The following VCP variants were observed in gnomAD, a reference collection of about 807,000 sequenced individuals.
VCP encodes the protein transitional endoplasmic reticulum ATPase.
In VCP, 6 loss-of-function variants were observed where a neutral mutation model predicts 85.7. The ratio of observed to expected loss-of-function variants is 0.07; its 90% CI spans 0.04 to 0.14. The LOEUF is 0.14. VCP is among the 10% of genes least tolerant of loss of function. The probability of loss-of-function intolerance (pLI) is 1.00; values close to 1 mark genes in which losing one functional copy is unlikely to be tolerated. For synonymous variants in VCP, 384 were observed against 367.1 expected, an observed-to-expected ratio of 1.05 and a Z score of -0.53; for missense variants, 353 against 1,043.4, an observed-to-expected ratio of 0.34 and a Z score of 9.12.
intron 5 of VCP, among the ~76,000 whole-genome samples, chr9:35,064,900 C>G (rs1191568773): frequency 1.3e-5 from 2 of 152,178 alleles, no homozygotes; most frequent in African/African-American, 4.8e-5. Context: ...CAGAGTCTCA[C>G]TCTGTCACCC....
In VCP at chr9:35,068,046, C is replaced by T. The variant is rs1359551592; in HGVS notation, c.147G>A (p.Leu49=). ...VSLSQPKMDE[L]QLFRGDTVLL... is the part of the protein sequence containing the mutation. ...ACACTGTGTCACCTCGGAACAACTG[C>T]AATTCATCCATCTTGGGCTGAGGAA... The change falls in exon 3 of 17, where the codon TTG becomes TTA. Residue 49 remains leucine, a synonymous_variant. Transcript: ENST00000358901. The T allele has an allele frequency of 1.9e-6, 3 of 1,614,100 alleles. No homozygotes were observed. The highest frequency in any genetic ancestry group is 2.5e-6 in the Non-Finnish European group (3 of 1,180,048).
Position 35,059,553 on chromosome 9 carries a change from A to G in VCP, c.1944T>C (p.Pro648=), listed in dbSNP as rs1828679866. The G allele has an allele frequency of 1.2e-6, 2 of 1,614,200 alleles. No homozygotes were observed. Among genetic ancestry groups the G allele is most frequent in the Admixed American group, 3.3e-5 (2 of 60,028 alleles). ...GGATGGCAACACGGGACTTCTCATC[A>G]GGAAGTGGGATGTAGATGAGCTGAT... ...RLDQLIYIPL[P]DEKSRVAILK... Residue 648 remains proline, a synonymous_variant, in exon 14 of 17, where the codon CCT becomes CCC. Transcript: ENST00000358901. The surrounding 1 kb of genome is among the most constrained non-coding windows in gnomAD (Gnocchi z 4.9).
chr9:35,058,252 T>C (rs1828649063), intron 15 of VCP, among the ~76,000 whole-genome samples: 1 of 152,176 alleles, frequency 6.6e-6, no homozygotes, highest in Non-Finnish European at 1.5e-5. Context: ...TCACAGACCC[T>C]TCAAAAGGGA....
intron 3 of VCP, among the ~76,000 whole-genome samples, chr9:35,067,245 A>G (rs1394334416): frequency 1.3e-5 from 2 of 152,228 alleles, no homozygotes; most frequent in East Asian, 1.9e-4. Flanking sequence ...AGAAAGCTAC[A>G]TGAAACTTAG....
At chr9:35,062,787 G>A (rs1828751660) in intron 7 of VCP, among the ~76,000 whole-genome samples, 191 bp downstream of exon 7, 1 of 152,122 alleles carries the variant, frequency 6.6e-6, no homozygotes, top group South Asian at 2.1e-4. Flanking sequence ...AAGGGGGCAG[G>A]ACAGGGAGCA....
chr9:35,060,566 T>TTTTGAAAGAAACC (rs1828701281), intron 12 of VCP, 41 bp from the exon 13 acceptor site: 8 of 1,601,064 alleles, frequency 5.0e-6, no homozygotes, highest in Non-Finnish European at 6.8e-6. Context: ...TACCTCCACA[T>TTTTGAAAGAAACC]TTTGAAAGAA....
chr9:35,070,706 G>C (rs1044834168), intron 1 of VCP, among the ~76,000 whole-genome samples: 1 of 152,178 alleles, frequency 6.6e-6, no homozygotes, highest in Admixed American at 6.5e-5. Context: ...AAAATGCTGG[G>C]ATTACAGGCC....
chr9:35,065,117 C>A (rs1475186287), intron 5 of VCP, 134 bp downstream of exon 5: 4 of 1,336,372 alleles, frequency 3.0e-6, no homozygotes, highest in Non-Finnish European at 4.2e-6. Flanking sequence ...ATCTGCCCAT[C>A]TCAGTCTCCC....
intron 6 of VCP, among the ~76,000 whole-genome samples, chr9:35,063,740 G>A (rs185101146): frequency 1.6e-4 from 25 of 152,350 alleles, no homozygotes; most frequent in African/African-American, 4.8e-4. Flanking sequence ...GTTCTCAAAT[G>A]TTTTAGACTC....
chr9:35,070,278 C>A lies in VCP; in HGVS notation c.18-1916G>T, dbSNP rs1027748492. Among the ~76,000 whole-genome samples, 4 of 152,156 alleles carry A rather than the reference C, an allele frequency of 2.6e-5. No individual in the cohort carries two copies. The East Asian group carries it at 7.7e-4, about 29-fold the overall frequency. ...CCAATGCTTATCAACACACTAGAGG[C>A]CAAGCATGCTCAATGTGACAGTTGA... On this transcript the variant is annotated intron_variant, in intron 1 of 16. Transcript: ENST00000358901.
intron 7 of VCP, among the ~76,000 whole-genome samples, 195 bp downstream of exon 7, chr9:35,062,783 G>A (rs1828751555): frequency 6.6e-6 from 1 of 152,136 alleles, no homozygotes; most frequent in East Asian, 1.9e-4. Flanking sequence ...CTCAAAGGGG[G>A]CAGGACAGGG....
chr9:35,067,879 C>G lies in VCP; in HGVS notation c.302+12G>C. 6.2e-7 allele frequency: 1 copy of G among 1,614,162 alleles called. No individual in the cohort carries two copies. Among genetic ancestry groups the G allele is most frequent in the African/African-American group, 1.3e-5 (1 of 75,040 alleles). On this transcript the variant is annotated intron_variant, in intron 3 of 16. Coordinates refer to ENST00000358901, the MANE Select transcript of VCP (RefSeq NM_007126.5). ...CCTCCCATCCCTGTGAAGCCAAAAACCCCACACACACCTGATGACATCCCC... is the reference window on the plus strand; with the variant it reads ...CCTCCCATCCCTGTGAAGCCAAAAAGCCCACACACACCTGATGACATCCCC...
At chr9:35,063,147 C>T (rs1407890143) in intron 6 of VCP, 67 bp from the exon 7 acceptor site, 7 of 1,423,778 alleles carry the variant, frequency 4.9e-6, no homozygotes, top group Middle Eastern at 1.9e-4. Context: ...GCTTGACTAG[C>T]GCTCCAGAGA....
intron 1 of VCP, chr9:35,071,918 G>T: frequency 9.9e-7 from 1 of 1,005,254 alleles, no homozygotes; most frequent in Non-Finnish European, 1.2e-6. Context: ...TCGGGCTCGC[G>T]GGGCCTGCTC....
At chr9:35,070,767 C>A (rs2131044232) in intron 1 of VCP, among the ~76,000 whole-genome samples, 1 of 152,274 alleles carries the variant, frequency 6.6e-6, no homozygotes, top group East Asian at 1.9e-4. Flanking sequence ...AAAGCTGTAT[C>A]CTAGGAAAAC....
rs866101707 is a variant in VCP at position 35,066,711 on chromosome 9, G to A, written c.409C>T (p.Pro137Ser). The A allele has an allele frequency of 6.2e-7, 1 of 1,614,122 alleles. No homozygotes were observed. Among genetic ancestry groups the A allele is most frequent in the Non-Finnish European group, 8.5e-7 (1 of 1,180,020 alleles). Residue 137 changes from proline (P) to serine (S), a missense_variant, in exon 4 of 17, where the codon CCG becomes TCG. Pro to Ser is a moderately conservative substitution (Grantham distance 74). Transcript: ENST00000358901. ...GGTCGATACGCTTCCAGGAAGTACG[G>A]CTTAAGGTATACCTCGAAGAGATTA... is the stretch of plus-strand genomic sequence containing the variant. ...TGNLFEVYLK[P>S]YFLEAYRPIR...
chr9:35,062,948 G>C (rs749229187), intron 7 of VCP, 30 bp downstream of exon 7: 26 of 1,611,918 alleles, frequency 1.6e-5, no homozygotes, highest in Non-Finnish European at 2.2e-5. Context: ...ATTGGGTCTA[G>C]CTAGACATAA....
chr9:35,062,872 T>A (rs1467500157), intron 7 of VCP, 106 bp downstream of exon 7: 4 of 1,008,164 alleles, frequency 4.0e-6, no homozygotes, highest in Non-Finnish European at 6.3e-6. Context: ...GCTATAAACA[T>A]GAAGGAGGGC....
intron 7 of VCP, 111 bp downstream of exon 7, chr9:35,062,867 A>G (rs1028205826): frequency 4.1e-6 from 4 of 983,680 alleles, no homozygotes; most frequent in Admixed American, 1.7e-5. Flanking sequence ...AATATGCTAT[A>G]AACATGAAGG....
Sources: allele counts gnomAD v4.1 joint callset (sites outside exome capture counted in the v4.1 genomes callset), GRCh38; gene constraint gnomAD v4.1.1; non-coding constraint Gnocchi (gnomAD v3.1); transcripts MANE v1.5; gene names NCBI Gene and HGNC (gene_info 2026-07-23, HGNC 2026-07-21).